Variants in FHIT observed in about 807,000 individuals in gnomAD.
FHIT encodes fragile histidine triad diadenosine triphosphatase, also known as bis(5'-adenosyl)-triphosphatase.
In FHIT, 19 loss-of-function variants were observed where a neutral mutation model predicts 17.9. That is an observed-to-expected ratio of 1.06 (90% confidence interval 0.74 to 1.56). The LOEUF is 1.56. FHIT is among the 40% of genes most tolerant of loss of function. The pLI, the probability that FHIT is intolerant of heterozygous loss-of-function variation, is 0.00. For missense variants in FHIT, 248 were observed against 189.2 expected (o/e 1.31, Z -1.82); for synonymous variants, 81 against 69.7 (o/e 1.16, Z -0.81).
chr3:59,833,899 C>G (rs1701251228), intron 8 of FHIT, among the ~76,000 whole-genome samples: 1 of 152,156 alleles, frequency 6.6e-6, no homozygotes, highest in African/African-American at 2.4e-5. Context: ...TGCTCTCTCT[C>G]CTGCCACCTT....
chr3:59,834,567 G>A (rs1701275932), intron 8 of FHIT, among the ~76,000 whole-genome samples: 1 of 152,174 alleles, frequency 6.6e-6, no homozygotes, highest in African/African-American at 2.4e-5. Context: ...TTCCTGGTGA[G>A]AACCCTCTTC....
intron 5 of FHIT, among the ~76,000 whole-genome samples, chr3:60,334,920 A>G (rs779565212): frequency 1.3e-5 from 2 of 152,252 alleles, no homozygotes; most frequent in Non-Finnish European, 2.9e-5. Flanking sequence ...TATAGTATAT[A>G]AGAAACAGAA....
chr3:60,849,400 A>G (rs529345070), intron 3 of FHIT, among the ~76,000 whole-genome samples: 1 of 149,406 alleles, frequency 6.7e-6, no homozygotes, highest in Non-Finnish European at 1.5e-5. Flanking sequence ...AGAGAATAAA[A>G]TTGTCATTTC....
At chr3:60,788,874 A>G (rs1365066615) in intron 4 of FHIT, among the ~76,000 whole-genome samples, 2 of 152,082 alleles carry the variant, frequency 1.3e-5, no homozygotes, top group East Asian at 1.9e-4. Flanking sequence ...GGCACATTCA[A>G]TTTTACTTCA....
At chr3:60,952,950 A>T (rs1708953310) in intron 3 of FHIT, among the ~76,000 whole-genome samples, 1 of 152,180 alleles carries the variant, frequency 6.6e-6, no homozygotes, top group Non-Finnish European at 1.5e-5. Flanking sequence ...CATAAAACTT[A>T]TATTAAATAA....
chr3:59,812,342 A>G (rs1700436504), intron 8 of FHIT, among the ~76,000 whole-genome samples: 7 of 152,176 alleles, frequency 4.6e-5, no homozygotes, highest in African/African-American at 7.2e-5. Context: ...GCCTTATACA[A>G]GTCAGAAAGA....
At chr3:60,688,331 T>A (rs782541063) in intron 4 of FHIT, among the ~76,000 whole-genome samples, 1 of 152,114 alleles carries the variant, frequency 6.6e-6, no homozygotes, top group African/African-American at 2.4e-5. Context: ...AACCAAAGGA[T>A]GATAATACTA....
intron 8 of FHIT, among the ~76,000 whole-genome samples, chr3:59,826,747 T>G (rs1238066920): frequency 2.6e-5 from 4 of 152,260 alleles, no homozygotes; most frequent in African/African-American, 9.6e-5. Flanking sequence ...TTGCCAGTAG[T>G]GACCTTATCA....
chr3:60,499,861 G>A (rs548890536), intron 5 of FHIT, among the ~76,000 whole-genome samples: 4 of 151,976 alleles, frequency 2.6e-5, no homozygotes, highest in Non-Finnish European at 5.9e-5. Context: ...TCTGTCTCAA[G>A]CAGTCCCTCA....
rs140841971 is a variant in FHIT at position 59,942,414 on chromosome 3, C to T, written c.280-20000G>A. Among the ~76,000 whole-genome samples, 110 of 152,294 alleles carry T rather than the reference C, an allele frequency of 7.2e-4. No individual in the cohort carries two copies. In the East Asian group the frequency reaches 0.016, roughly 22 times the overall value. ...AGGTCTCATTTTCACCCTCCTCATA[C>T]GCCTGTGGACAAGTTTGTCAGACCA... On this transcript the variant is annotated intron_variant, in intron 7 of 9. Transcript: ENST00000492590.
intron 5 of FHIT, among the ~76,000 whole-genome samples, chr3:60,334,105 G>C (rs1410122715): frequency 6.6e-6 from 1 of 152,250 alleles, no homozygotes; most frequent in East Asian, 1.9e-4. Context: ...TCAGTGACTG[G>C]CTTTCTATGA....
At chr3:60,976,948 G>A (rs1710281399) in intron 3 of FHIT, among the ~76,000 whole-genome samples, 1 of 151,498 alleles carries the variant, frequency 6.6e-6, no homozygotes. Flanking sequence ...ATTAACTCCT[G>A]CTGAAGAATT....
intron 1 of FHIT, among the ~76,000 whole-genome samples, chr3:61,226,301 G>C (rs1331412045): frequency 6.6e-6 from 1 of 152,128 alleles, no homozygotes; most frequent in Non-Finnish European, 1.5e-5. Context: ...TTTGCATTTG[G>C]AGATGAGGCT....
At chr3:60,517,681 G>A (rs1432932735) in intron 5 of FHIT, among the ~76,000 whole-genome samples, 6 of 152,018 alleles carry the variant, frequency 3.9e-5, no homozygotes, top group Non-Finnish European at 7.4e-5. Flanking sequence ...GCACCATAAC[G>A]TCATATTGAA....
chr3:59,783,433 C>T (rs1200463071), intron 8 of FHIT, among the ~76,000 whole-genome samples: 2 of 152,152 alleles, frequency 1.3e-5, no homozygotes, highest in African/African-American at 2.4e-5. Context: ...CATGCCACTG[C>T]ACTCCAGCCT....
intron 5 of FHIT, among the ~76,000 whole-genome samples, chr3:60,194,997 A>G (rs1247598398): frequency 3.3e-5 from 5 of 152,030 alleles, no homozygotes; most frequent in African/African-American, 7.2e-5. Context: ...GAAACGCTGT[A>G]ACAACTAAAA....
intron 8 of FHIT, among the ~76,000 whole-genome samples, chr3:59,820,101 T>C (rs1346117959): frequency 1.3e-5 from 2 of 152,224 alleles, no homozygotes. Flanking sequence ...TTACCCAGGC[T>C]AAGGTATTTT....
chr3:60,933,170 C>T (rs1447862057), intron 3 of FHIT, among the ~76,000 whole-genome samples: 1 of 152,016 alleles, frequency 6.6e-6, no homozygotes, highest in Non-Finnish European at 1.5e-5. Context: ...AGGGAAGATA[C>T]AAAGTTGTGT....
chr3:60,312,848 TAACAA>T (rs1473419799), intron 5 of FHIT, among the ~76,000 whole-genome samples: 1 of 152,114 alleles, frequency 6.6e-6, no homozygotes, highest in Non-Finnish European at 1.5e-5. Flanking sequence ...TGTTTAAAAA[TAACAA>T]AACAAAACCT....
Sources: allele counts gnomAD v4.1 joint callset (sites outside exome capture counted in the v4.1 genomes callset), GRCh38; gene constraint gnomAD v4.1.1; transcripts MANE v1.5; gene names NCBI Gene and HGNC (gene_info 2026-07-23, HGNC 2026-07-21).